Variants in NEDD4 observed in about 807,000 individuals in gnomAD.
NEDD4 encodes the protein E3 ubiquitin-protein ligase NEDD4.
NEDD4 carries 99 observed loss-of-function variants against 144.9 expected under a neutral mutation model. The observed-to-expected ratio is 0.68, with a 90% CI of 0.58 to 0.81. The LOEUF is 0.81. NEDD4 is among the 30% of genes least tolerant of loss of function. NEDD4 has a pLI of 0.00. For missense variants in NEDD4, 985 were observed against 1,065.9 expected (o/e 0.92, Z 1.06); for synonymous variants, 318 against 350.6 (o/e 0.91, Z 1.04).
chr15:55,941,971 A>T (rs2037014224), intron 4 of NEDD4, among the ~76,000 whole-genome samples: 1 of 152,218 alleles, frequency 6.6e-6, no homozygotes, highest in Non-Finnish European at 1.5e-5. Flanking sequence ...ATATAAAAAG[A>T]ATATACACTT....
Position 55,848,820 on chromosome 15 carries a change from G to A in NEDD4, c.1414C>T (p.Leu472=), listed in dbSNP as rs188530726. 6.2e-7 allele frequency: 1 copy of A among 1,613,462 alleles called. No individual in the cohort carries two copies. Among genetic ancestry groups the A allele is most frequent in the Non-Finnish European group, 8.5e-7 (1 of 1,179,534 alleles). ...TATACACTTACAGGTAAAGGCCCTA[G>A]ATCATTGGAAGTATCAAGTGATGTC... is the stretch of plus-strand genomic sequence containing the variant. ...GKTSLDTSND[L]GPLPPGWEER... is the part of the protein sequence containing the mutation. The change falls in exon 15 of 29, where the codon CTA becomes TTA. Residue 472 remains leucine, a synonymous_variant. Coordinates refer to ENST00000435532, the MANE Select transcript of NEDD4 (RefSeq NM_006154.4).
At chr15:55,947,810 TA>T (rs1377423591) in intron 4 of NEDD4, among the ~76,000 whole-genome samples, 1 of 152,134 alleles carries the variant, frequency 6.6e-6, no homozygotes, top group African/African-American at 2.4e-5. Context: ...CTCAAAATAA[TA>T]AGAGCTATTT....
intron 1 of NEDD4, among the ~76,000 whole-genome samples, chr15:55,974,494 T>G (rs1161610537): frequency 6.6e-6 from 1 of 152,094 alleles, no homozygotes; most frequent in African/African-American, 2.4e-5. Context: ...ATATCTCTGA[T>G]AAACATTGAT....
chr15:55,993,292 T>C (rs2038017573), intron 1 of NEDD4, among the ~76,000 whole-genome samples: 2 of 151,966 alleles, frequency 1.3e-5, no homozygotes, highest in South Asian at 2.1e-4. Flanking sequence ...GGGGCGGGTG[T>C]GGACCCGACA....
Position 55,896,064 on chromosome 15 carries a change from T to C in NEDD4, c.292-22056A>G, listed in dbSNP as rs577122675. ...CCTTGGCATGGAATTCTAGTTTGTT[T>C]TTTCCAATCTACCTTGCAGCCTTCT... is the stretch of plus-strand genomic sequence containing the variant. On this transcript the variant is annotated intron_variant, in intron 5 of 28. Coordinates refer to ENST00000435532, the MANE Select transcript of NEDD4 (RefSeq NM_006154.4). 2.6e-5 allele frequency among the ~76,000 whole-genome samples: 4 copies of C among 152,324 alleles called. No homozygotes were observed. In the East Asian group the frequency reaches 7.7e-4, roughly 29 times the overall value.
intron 5 of NEDD4, among the ~76,000 whole-genome samples, chr15:55,905,997 A>G (rs2036078561): frequency 6.6e-6 from 1 of 152,206 alleles, no homozygotes; most frequent in Non-Finnish European, 1.5e-5. Context: ...TTCTCAAAAG[A>G]AGACATTTAT....
chr15:55,842,781 T>C (rs796555889), intron 18 of NEDD4, among the ~76,000 whole-genome samples: 15 of 152,368 alleles, frequency 9.8e-5, no homozygotes, highest in African/African-American at 3.6e-4. Context: ...ACCTGTAGGA[T>C]AGCCACTGCC....
chr15:55,834,091 T>G lies in NEDD4; in HGVS notation c.2377A>C (p.Lys793Gln), dbSNP rs751309311. 3 of 1,613,716 alleles carry G rather than the reference T, an allele frequency of 1.9e-6. No homozygotes were observed. Among genetic ancestry groups the G allele is most frequent in the Non-Finnish European group, 1.7e-6 (2 of 1,180,002 alleles). The change falls in exon 26 of 29, where the codon AAG (lysine) becomes CAG (glutamine). Residue 793 changes from lysine to glutamine, a missense_variant. By Grantham distance (53) the Lys-to-Gln change is moderately conservative. Transcript: ENST00000435532. ...TTTGCACTGTAGCCATTTTTATACT[T>G]TGTATGTTCCCTCCAGTCATTCACA... is the stretch of plus-strand genomic sequence containing the variant. The part of the protein sequence containing the change: ...VDVNDWREHT[K>Q]YKNGYSANHQ...
intron 5 of NEDD4, among the ~76,000 whole-genome samples, chr15:55,911,599 G>A (rs947067035): frequency 1.3e-5 from 2 of 151,090 alleles, no homozygotes; most frequent in Non-Finnish European, 2.9e-5. Flanking sequence ...GCGCGATCTC[G>A]ACTCACTGCA....
At chr15:55,906,401 G>C (rs1230499963) in intron 5 of NEDD4, among the ~76,000 whole-genome samples, 1 of 152,174 alleles carries the variant, frequency 6.6e-6, no homozygotes, top group Non-Finnish European at 1.5e-5. Flanking sequence ...ATCAATGATA[G>C]ACTGGATTAA....
intron 4 of NEDD4, among the ~76,000 whole-genome samples, chr15:55,927,986 A>G (rs1197337657): frequency 6.6e-6 from 1 of 152,188 alleles, no homozygotes; most frequent in Non-Finnish European, 1.5e-5. Flanking sequence ...TCAGACTGTA[A>G]TTAATAGCTT....
chr15:55,916,988 A>G, intron 5 of NEDD4: 2 of 1,353,378 alleles, frequency 1.5e-6, no homozygotes, highest in Non-Finnish European at 1.9e-6. Context: ...GTAAAACATT[A>G]GATACCAGAT....
At chr15:55,954,968 C>T (rs1229175410) in intron 2 of NEDD4, among the ~76,000 whole-genome samples, 1 of 152,132 alleles carries the variant, frequency 6.6e-6, no homozygotes, top group East Asian at 1.9e-4. Context: ...ATGACCTCTA[C>T]CCTATTTTGC....
In NEDD4 at chr15:55,872,541, T is replaced by C. The variant is rs1183206939; in HGVS notation, c.343-65A>G. On this transcript the variant is annotated intron_variant, in intron 6 of 28. Coordinates refer to ENST00000435532, the MANE Select transcript of NEDD4 (RefSeq NM_006154.4). Reference sequence around the variant, plus strand: ...ACCAAAAGCATGTACTTTTCAAGAATACTCATGAACTATCACCTAAGGCAT... The same window carrying C: ...ACCAAAAGCATGTACTTTTCAAGAACACTCATGAACTATCACCTAAGGCAT... 4.4e-6 allele frequency: 3 copies of C among 689,240 alleles called. No homozygotes were observed. The African/African-American group carries it at 5.7e-5, about 13-fold the overall frequency. 42.7% of individuals were successfully genotyped at this position (689,240 alleles called of 1,614,324 possible).
intron 5 of NEDD4, among the ~76,000 whole-genome samples, chr15:55,910,143 T>C (rs939269220): frequency 7.2e-5 from 11 of 152,216 alleles, no homozygotes; most frequent in African/African-American, 1.9e-4. Flanking sequence ...ATACATCTTA[T>C]ATCCACTTCA....
intron 18 of NEDD4, among the ~76,000 whole-genome samples, chr15:55,846,075 C>A (rs1324038159): frequency 3.3e-5 from 5 of 152,084 alleles, no homozygotes; most frequent in African/African-American, 1.2e-4. Context: ...GCATGAGCTA[C>A]TGCACCTGGC....
At chr15:55,852,649 C>CTA in intron 12 of NEDD4, 106 bp from the exon 13 acceptor site, 1 of 787,142 alleles carries the variant, frequency 1.3e-6, no homozygotes, top group Non-Finnish European at 2.0e-6. Flanking sequence ...CCCCAAGCAA[C>CTA]CACTCATCTG....
chr15:55,840,796 C>T (rs2033469009), intron 19 of NEDD4, 69 bp from the exon 20 acceptor site: 1 of 1,476,780 alleles, frequency 6.8e-7, no homozygotes. Flanking sequence ...TACAAATAAT[C>T]TTCCTCCTTT....
chr15:55,966,511 G>T lies in NEDD4; in HGVS notation c.81C>A (p.Ala27=). 1 of 1,531,610 alleles carries T rather than the reference G, an allele frequency of 6.5e-7. No homozygotes were observed. The highest frequency in any genetic ancestry group is 8.8e-7 in the Non-Finnish European group (1 of 1,139,228). 94.9% of individuals were successfully genotyped at this position (1,531,610 alleles called of 1,614,324 possible). A position where few individuals can be genotyped will look rare whatever the true frequency, so the allele number is the denominator to read the frequency against. ...TATCCTTCTTGGCAAGGCCTATTCC[G>T]GCTATAACTCTTACTCTCACAATTC... is the stretch of plus-strand genomic sequence containing the variant. The part of the protein sequence containing the change: ...NSRIVRVRVI[A]GIGLAKKDIL... The change falls in exon 2 of 29, where the codon GCC becomes GCA. Residue 27 remains alanine (A), a synonymous_variant. Coordinates refer to ENST00000435532, the MANE Select transcript of NEDD4 (RefSeq NM_006154.4).
Sources: gnomAD v4.1 joint callset for allele counts (sites outside exome capture counted in the v4.1 genomes callset) on GRCh38, gnomAD v4.1.1 for gene constraint, MANE v1.5 for transcripts, NCBI Gene and HGNC (gene_info 2026-07-23, HGNC 2026-07-21) for gene names.